C4orf50: variants seen among roughly 807,000 people sequenced by gnomAD.
C4orf50 encodes the protein chromosome 4 open reading frame 50.
A neutral mutation model predicts 77.2 loss-of-function variants in C4orf50; 80 were observed. That is an observed-to-expected ratio of 1.04 (90% CI 0.87 to 1.25). C4orf50 has a LOEUF of 1.25. C4orf50 is among the 50% of genes most tolerant of loss of function. The pLI is 0.00. For synonymous variants in C4orf50, 532 were observed against 465.3 expected, an observed-to-expected ratio of 1.14 and a Z score of -1.84; for missense variants, 1,257 against 1,152.9, an observed-to-expected ratio of 1.09 and a Z score of -1.31.
At chr4:5,959,077 G>A (rs1425214317) in exon 34 of C4orf50, 1 of 286,444 alleles carries the variant, frequency 3.5e-6, no homozygotes, top group Non-Finnish European at 6.6e-6. Context: ...TCCCTGGGGG[G>A]CTAAAACTGT....
intron 7 of C4orf50, among the ~76,000 whole-genome samples, chr4:5,928,080 C>T (rs1466713508): frequency 6.6e-6 from 1 of 152,078 alleles, no homozygotes; most frequent in African/African-American, 2.4e-5. Context: ...GTGGAACTTG[C>T]AATATATTAA....
At chr4:5,930,908 G>A (rs959998195) in intron 7 of C4orf50, among the ~76,000 whole-genome samples, 7 of 152,210 alleles carry the variant, frequency 4.6e-5, no homozygotes, top group South Asian at 2.1e-4. Flanking sequence ...GCTGGGAAGC[G>A]GAGAGGCAAA....
In C4orf50 at chr4:5,990,543, C is replaced by T. The variant is rs1018187767; in HGVS notation, c.1503G>A (p.Pro501=). 2.0e-5 allele frequency: 8 copies of T among 398,972 alleles called. No homozygotes were observed. The highest frequency in any genetic ancestry group is 3.1e-5 in the Non-Finnish European group (7 of 226,104). 24.7% of individuals were successfully genotyped at this position (398,972 alleles called of 1,614,324 possible). A position where few individuals can be genotyped will look rare whatever the true frequency, so the allele number is the denominator to read the frequency against. Residue 501 remains proline, a synonymous_variant, in exon 28 of 34, where the codon CCG becomes CCA. Coordinates refer to ENST00000531445, the Ensembl canonical transcript of C4orf50. ...GGTGTCCTGTGGCTTTGGGAGGAGGCGGGGACCTGGTGGCCAACTCTTCTT... is the reference window on the plus strand; with the variant it reads ...GGTGTCCTGTGGCTTTGGGAGGAGGTGGGGACCTGGTGGCCAACTCTTCTT...
chr4:5,937,386 C>G (rs958547425), intron 7 of C4orf50, among the ~76,000 whole-genome samples: 2 of 151,908 alleles, frequency 1.3e-5, no homozygotes, highest in Non-Finnish European at 2.9e-5. Flanking sequence ...AAAGGGTAGC[C>G]ACTAAAATAA....
At position 5,910,328 on chromosome 4, in the gene C4orf50, G is replaced by T. The variant is rs78935805; in HGVS notation, c.*2475-12140C>A. 5.5e-3 allele frequency among the ~76,000 whole-genome samples: 833 copies of T among 152,232 alleles called. 12 individuals are homozygous for T. Among genetic ancestry groups the T allele is most frequent in the African/African-American group, 0.019 (786 of 41,518 alleles). ...CCTGGTTCCAATATATTTCCTCAGG[G>T]GATAGTTAGCATTTCTCATAGGGAA... On this transcript the variant is annotated intron_variant, in intron 7 of 7. Transcript: ENST00000324058.
intron 7 of C4orf50, among the ~76,000 whole-genome samples, chr4:5,944,093 A>C (rs1281625290): frequency 6.6e-6 from 1 of 152,154 alleles, no homozygotes; most frequent in Non-Finnish European, 1.5e-5. Flanking sequence ...ACAAATAGAC[A>C]CACAAAGCCC....
chr4:5,993,038 C>CA (rs61097685), intron 26 of C4orf50, 108 bp from the exon 5 acceptor site: 1 of 396,732 alleles, frequency 2.5e-6, no homozygotes. Flanking sequence ...GCACCCCCCC[C>CA]ACCCCCGACT....
At chr4:5,991,012 T>C (rs1002333309) in intron 27 of C4orf50, among the ~76,000 whole-genome samples, 188 bp from the exon 6 acceptor site, 1 of 152,202 alleles carries the variant, frequency 6.6e-6, no homozygotes, top group Non-Finnish European at 1.5e-5. Context: ...CTGCCCAGAA[T>C]GTCCTTCCCC....
At chr4:5,946,823 A>G (rs953829309) in intron 7 of C4orf50, among the ~76,000 whole-genome samples, 37 of 152,246 alleles carry the variant, frequency 2.4e-4, no homozygotes, top group African/African-American at 8.0e-4. Flanking sequence ...TCTCGCCATT[A>G]TTACATCTGC....
chr4:5,984,266 C>T (rs1720746952), intron 28 of C4orf50, among the ~76,000 whole-genome samples: 1 of 152,176 alleles, frequency 6.6e-6, no homozygotes, highest in South Asian at 2.1e-4. Context: ...AAATATTATA[C>T]ACAATGTCCA....
chr4:5,992,575 C>T lies in C4orf50; in HGVS notation c.1221+228G>A, dbSNP rs1029906754. ...AGATGAAGCCTGTTCCGTGGAAGCCCAGGCCTGGCACCCAGTTAACCCCCT... is the reference window on the plus strand; with the variant it reads ...AGATGAAGCCTGTTCCGTGGAAGCCTAGGCCTGGCACCCAGTTAACCCCCT... On this transcript the variant is annotated intron_variant, in intron 27 of 33. Coordinates refer to ENST00000531445, the Ensembl canonical transcript of C4orf50. The surrounding 1 kb of genome is among the most constrained non-coding windows in gnomAD (Gnocchi z 5.0). Among the ~76,000 whole-genome samples, 8 of 152,116 alleles carry T rather than the reference C, an allele frequency of 5.3e-5. No individual in the cohort carries two copies. Among genetic ancestry groups the T allele is most frequent in the Non-Finnish European group, 1.2e-4 (8 of 67,996 alleles).
At chr4:5,973,740 G>C (rs115579326) in exon 31 of C4orf50, 2 of 1,614,028 alleles carry the variant, frequency 1.2e-6, no homozygotes, top group African/African-American at 2.7e-5. Context: ...CCAGCTCGGA[G>C]AGCAGGAGGT....
rs1334030576 is a variant in C4orf50, at chr4:6,000,245, G to C, written c.964-5769C>G. Among the ~76,000 whole-genome samples the C allele has an allele frequency of 1.3e-5, 2 of 152,174 alleles. No individual in the cohort carries two copies. The highest frequency in any genetic ancestry group is 2.9e-5 in the Non-Finnish European group (2 of 68,038). ...CTCTGCGACTTCACAGATGTGCAGA[G>C]GCCTGGAAGCCACAGCCATGGCCAC... On this transcript the variant is annotated intron_variant, in intron 25 of 33. Coordinates refer to ENST00000531445, the Ensembl canonical transcript of C4orf50. The surrounding 1 kb of genome is among the most constrained non-coding windows in gnomAD (Gnocchi z 6.0).
At chr4:5,911,242 T>C (rs1028114869) in intron 7 of C4orf50, among the ~76,000 whole-genome samples, 3 of 152,002 alleles carry the variant, frequency 2.0e-5, no homozygotes, top group African/African-American at 7.2e-5. Context: ...ACTTGTGGGG[T>C]TTTCTGGCCC....
intron 7 of C4orf50, among the ~76,000 whole-genome samples, chr4:5,936,617 T>C (rs1205137382): frequency 3.8e-5 from 5 of 132,470 alleles, no homozygotes; most frequent in African/African-American, 1.1e-4. Context: ...AAGTTAGATA[T>C]AGAGGTTATG....
intron 28 of C4orf50, among the ~76,000 whole-genome samples, chr4:5,983,460 C>T (rs1577964662): frequency 6.6e-6 from 1 of 152,204 alleles, no homozygotes; most frequent in African/African-American, 2.4e-5. Context: ...GCTCGCTTTT[C>T]CCTCTACCTG....
At chr4:5,941,384 G>A (rs970153362) in intron 7 of C4orf50, among the ~76,000 whole-genome samples, 1 of 152,170 alleles carries the variant, frequency 6.6e-6, no homozygotes, top group African/African-American at 2.4e-5. Flanking sequence ...ACTCTGGCAT[G>A]CTGGTTCTGG....
exon 28 of C4orf50, chr4:5,988,638 C>T: frequency 6.5e-7 from 1 of 1,536,110 alleles, no homozygotes. Context: ...TGAGTGGAGT[C>T]ACCTGCACCT....
chr4:5,991,862 T>C (rs1413666672), intron 27 of C4orf50, among the ~76,000 whole-genome samples: 3 of 152,182 alleles, frequency 2.0e-5, no homozygotes, highest in Admixed American at 1.3e-4. Flanking sequence ...GGCCACCGCA[T>C]CCCTGCTCCC....
Sources: allele counts gnomAD v4.1 joint callset (sites outside exome capture counted in the v4.1 genomes callset), GRCh38; gene constraint gnomAD v4.1.1; non-coding constraint Gnocchi (gnomAD v3.1); transcripts MANE v1.5; gene names NCBI Gene and HGNC (gene_info 2026-07-23, HGNC 2026-07-21).